Variants in TNNI3K observed in about 807,000 individuals in gnomAD.
TNNI3K encodes serine/threonine-protein kinase TNNI3K.
In TNNI3K, 140 loss-of-function variants were observed where a neutral mutation model predicts 114.5. The ratio of observed to expected loss-of-function variants is 1.22; its 90% CI spans 1.07 to 1.41. The LOEUF (loss-of-function observed/expected upper bound fraction) is 1.41, where lower values mean the gene tolerates loss of function less well. Ranked by LOEUF, TNNI3K falls within the 40% of genes most tolerant of loss-of-function variation. The probability of loss-of-function intolerance (pLI) is 0.00; values close to 1 mark genes in which losing one functional copy is unlikely to be tolerated. For missense variants in TNNI3K, 1,125 were observed against 1,007.6 expected (o/e 1.12, Z -1.58); for synonymous variants, 347 against 347.5 (o/e 1.00, Z 0.02).
intron 22 of TNNI3K, among the ~76,000 whole-genome samples, chr1:74,490,256 T>C (rs561168758): frequency 6.6e-6 from 1 of 152,244 alleles, no homozygotes; most frequent in East Asian, 1.9e-4. Context: ...TACTGGGACT[T>C]ACAGAAAGTG....
chr1:74,293,579 T>C (rs1313279073), intron 5 of TNNI3K, among the ~76,000 whole-genome samples: 1 of 151,722 alleles, frequency 6.6e-6, no homozygotes, highest in African/African-American at 2.4e-5. Context: ...ACTGGCCTTG[T>C]TTCTAGTGAT....
Position 74,331,529 on chromosome 1 carries a change from C to T in TNNI3K, c.524C>T (p.Ala175Val), listed in dbSNP as rs149577931. 46 of 1,612,628 alleles carry T rather than the reference C, an allele frequency of 2.9e-5. No homozygotes were observed. Among genetic ancestry groups the T allele is most frequent in the Admixed American group, 5.0e-5 (3 of 59,960 alleles). ...TTTTTCACTCCATTGCATATTGCAG[C>T]GTACTATGGACATGAACAGGTAAGT... ...AVFFTPLHIA[A>V]YYGHEQVTRL... Residue 175 changes from alanine to valine, a missense_variant, in exon 6 of 25, where the codon GCG becomes GTG. Transcript: ENST00000326637.
At chr1:74,399,169 A>C (rs1423331220) in intron 17 of TNNI3K, among the ~76,000 whole-genome samples, 3 of 151,118 alleles carry the variant, frequency 2.0e-5, no homozygotes, top group Non-Finnish European at 4.4e-5. Context: ...AAAAAAAAAA[A>C]AAAAAAAAAA....
intron 6 of TNNI3K, among the ~76,000 whole-genome samples, chr1:74,332,091 A>C (rs915905986): frequency 6.6e-6 from 1 of 152,072 alleles, no homozygotes; most frequent in African/African-American, 2.4e-5. Context: ...CATATTTATA[A>C]AATTTTATTT....
intron 23 of TNNI3K, among the ~76,000 whole-genome samples, chr1:74,509,226 C>T (rs1670058901): frequency 6.6e-6 from 1 of 152,148 alleles, no homozygotes; most frequent in South Asian, 2.1e-4. Flanking sequence ...CAGTGTTGAC[C>T]ATTCCTCAGT....
At chr1:74,240,581 A>G (rs879378604) in intron 2 of TNNI3K, 7 of 152,160 alleles carry the variant, frequency 4.6e-5, no homozygotes, top group Non-Finnish European at 7.4e-5. Flanking sequence ...TGAAAAAACT[A>G]TGGAAGTGAT....
intron 23 of TNNI3K, among the ~76,000 whole-genome samples, chr1:74,493,569 C>T (rs190325737): frequency 1.8e-4 from 28 of 152,208 alleles, no homozygotes; most frequent in Admixed American, 9.8e-4. Flanking sequence ...ATAATAATTC[C>T]GTATAATAAC....
At chr1:74,319,508 G>T (rs1017975514) in intron 5 of TNNI3K, among the ~76,000 whole-genome samples, 1 of 152,160 alleles carries the variant, frequency 6.6e-6, no homozygotes, top group South Asian at 2.1e-4. Flanking sequence ...TTCATAGAGA[G>T]ATGGATTCAT....
chr1:74,342,858 T>C lies in TNNI3K; in HGVS notation c.699T>C (p.Asn233=), dbSNP rs200253678. 75 of 1,613,436 alleles carry C rather than the reference T, an allele frequency of 4.6e-5. No individual in the cohort carries two copies. The Middle Eastern group carries it at 9.9e-4, about 21-fold the overall frequency. Reference sequence around the variant, plus strand: ...TGATAACAGTGAATGCTCAAGATAATGAAGACCATGTCCCACTCCATTTCT... The same window carrying C: ...TGATAACAGTGAATGCTCAAGATAACGAAGACCATGTCCCACTCCATTTCT... The part of the protein sequence containing the change: ...GSKADVNAQD[N]EDHVPLHFCS... Residue 233 remains asparagine, a synonymous_variant, in exon 8 of 25, where the codon AAT becomes AAC. Transcript: ENST00000326637.
chr1:74,290,270 G>A (rs1657598106), intron 5 of TNNI3K, among the ~76,000 whole-genome samples: 1 of 149,184 alleles, frequency 6.7e-6, no homozygotes, highest in African/African-American at 2.5e-5. Flanking sequence ...TTGAAATAAT[G>A]CCTAATTTAG....
chr1:74,402,384 A>C (rs1664409498), intron 17 of TNNI3K, among the ~76,000 whole-genome samples: 2 of 152,104 alleles, frequency 1.3e-5, no homozygotes, highest in African/African-American at 4.8e-5. Context: ...TACCTCCAAA[A>C]CCCACTGAAA....
chr1:74,479,482 C>T (rs1668371728), intron 21 of TNNI3K, among the ~76,000 whole-genome samples: 1 of 152,160 alleles, frequency 6.6e-6, no homozygotes, highest in Non-Finnish European at 1.5e-5. Context: ...AATTCAAAAC[C>T]ACCCAACAGG....
At chr1:74,418,857 G>A (rs867811382) in intron 17 of TNNI3K, among the ~76,000 whole-genome samples, 1 of 152,034 alleles carries the variant, frequency 6.6e-6, no homozygotes, top group South Asian at 2.1e-4. Context: ...AATTCACTAT[G>A]ATATGCTTAG....
At chr1:74,436,230 C>G (rs1292048184) in intron 18 of TNNI3K, 98 bp downstream of exon 18, 1 of 1,468,782 alleles carries the variant, frequency 6.8e-7, no homozygotes, top group Non-Finnish European at 9.4e-7. Context: ...TGAACACTGA[C>G]AGCTATACTA....
At chr1:74,433,701 T>G (rs535083934) in intron 17 of TNNI3K, among the ~76,000 whole-genome samples, 1 of 152,208 alleles carries the variant, frequency 6.6e-6, no homozygotes, top group Admixed American at 6.5e-5. Context: ...CTGTTTTTTA[T>G]AAGAGTTCAT....
chr1:74,340,180 A>C (rs1003302515), intron 7 of TNNI3K, among the ~76,000 whole-genome samples: 1 of 152,090 alleles, frequency 6.6e-6, no homozygotes, highest in Non-Finnish European at 1.5e-5. Context: ...AGCGGAAATA[A>C]AGAAGAAACA....
intron 4 of TNNI3K, among the ~76,000 whole-genome samples, chr1:74,267,877 G>GA (rs1421558921): frequency 2.0e-5 from 3 of 151,772 alleles, no homozygotes; most frequent in East Asian, 3.9e-4. Flanking sequence ...TGAATAAGGA[G>GA]AAAAAACAAA....
rs775511228 is a variant in TNNI3K at position 74,370,380 on chromosome 1, G to A, written c.1760G>A (p.Arg587His). The A allele has an allele frequency of 1.6e-5, 25 of 1,605,498 alleles. 1 individual carries two copies. The highest frequency in any genetic ancestry group is 1.9e-5 in the Non-Finnish European group (22 of 1,175,042). The change falls in exon 17 of 25, where the codon CGT becomes CAT. Residue 587 changes from arginine (R) to histidine (H), a missense_variant. Transcript: ENST00000326637. The stretch of plus-strand genomic sequence containing the variant: ...AACCTGACACAGCCAATTATACATC[G>A]TGACTTGAACAGGTATTTTTTTCCT... ...LHNLTQPIIH[R>H]DLNSHNILLY...
intron 17 of TNNI3K, among the ~76,000 whole-genome samples, chr1:74,415,087 G>C (rs561056395): frequency 6.6e-6 from 1 of 152,072 alleles, no homozygotes; most frequent in South Asian, 2.1e-4. Context: ...TCCCAGCCAC[G>C]ACGGGGCCTC....
Sources: allele counts gnomAD v4.1 joint callset (sites outside exome capture counted in the v4.1 genomes callset), GRCh38; gene constraint gnomAD v4.1.1; transcripts MANE v1.5; gene names NCBI Gene and HGNC (gene_info 2026-07-23, HGNC 2026-07-21).